CPVL: variants seen among roughly 807,000 people sequenced by gnomAD.
CPVL encodes carboxypeptidase vitellogenic like, also known as probable serine carboxypeptidase CPVL.
In CPVL, 51 loss-of-function variants were observed where a neutral mutation model predicts 63.7. That is an observed-to-expected ratio of 0.80 (90% CI 0.64 to 1.01). CPVL has a LOEUF of 1.01. Ranked by LOEUF, CPVL falls within the 50% of genes least tolerant of loss-of-function variation. The probability of loss-of-function intolerance (pLI) is 0.00; values close to 1 mark genes in which losing one functional copy is unlikely to be tolerated. For synonymous variants in CPVL, 195 were observed against 206.0 expected, an observed-to-expected ratio of 0.95 and a Z score of 0.46; for missense variants, 530 against 573.1, an observed-to-expected ratio of 0.92 and a Z score of 0.77.
chr7:29,129,844 T>C (rs1041733021), intron 1 of CPVL, among the ~76,000 whole-genome samples: 2 of 152,132 alleles, frequency 1.3e-5, no homozygotes, highest in African/African-American at 4.8e-5. Flanking sequence ...AGGGCTTTCA[T>C]CCAATATAAC....
intron 10 of CPVL, 62 bp from the exon 11 acceptor site, chr7:29,064,296 G>T (rs1215518924): frequency 1.7e-5 from 18 of 1,048,700 alleles, no homozygotes; most frequent in Non-Finnish European, 2.3e-5. Context: ...CAGTATGTTG[G>T]GAAAAGCTGT....
intron 11 of CPVL, among the ~76,000 whole-genome samples, chr7:29,034,618 C>A (rs1262643309): frequency 1.3e-5 from 2 of 151,936 alleles, no homozygotes; most frequent in African/African-American, 2.4e-5. Context: ...CCCCATGTGT[C>A]CATGTGTTCT....
intron 7 of CPVL, among the ~76,000 whole-genome samples, chr7:29,076,608 C>T (rs890857578): frequency 3.9e-5 from 6 of 152,156 alleles, no homozygotes; most frequent in Non-Finnish European, 8.8e-5. Flanking sequence ...TTATTCCTTT[C>T]TAATAATTAA....
At chr7:29,072,267 G>A (rs1213931772) in intron 8 of CPVL, 34 bp downstream of exon 8, 4 of 1,612,438 alleles carry the variant, frequency 2.5e-6, no homozygotes, top group South Asian at 1.1e-5. Flanking sequence ...ATCCCCCTAA[G>A]AGACAAAATA....
chr7:29,155,882 G>A (rs758282840), intron 5 of CPVL, among the ~76,000 whole-genome samples: 4 of 152,172 alleles, frequency 2.6e-5, no homozygotes, highest in Non-Finnish European at 4.4e-5. Context: ...CCACATCGGA[G>A]CGTCCTGTCA....
intron 2 of CPVL, among the ~76,000 whole-genome samples, chr7:29,116,435 ACCATGAC>A (rs1279772581): frequency 6.6e-6 from 1 of 152,266 alleles, no homozygotes; most frequent in Non-Finnish European, 1.5e-5. Context: ...TCTTTCCAGC[ACCATGAC>A]TCACAATACA....
At chr7:29,116,423 T>C (rs1313277018) in intron 2 of CPVL, among the ~76,000 whole-genome samples, 1 of 152,272 alleles carries the variant, frequency 6.6e-6, no homozygotes, top group East Asian at 1.9e-4. Context: ...GAGGAGTTTC[T>C]ATCTTTCCAG....
intron 11 of CPVL, among the ~76,000 whole-genome samples, chr7:29,036,864 A>T (rs1186033807): frequency 6.6e-6 from 1 of 152,174 alleles, no homozygotes; most frequent in Non-Finnish European, 1.5e-5. Flanking sequence ...GGCAGGTGTT[A>T]TTTATCCCAT....
chr7:29,028,873 G>A (rs1787747232), intron 12 of CPVL, among the ~76,000 whole-genome samples: 2 of 150,344 alleles, frequency 1.3e-5, no homozygotes, highest in South Asian at 2.1e-4. Flanking sequence ...GCTGAGGCAG[G>A]AGAATGGCGC....
intron 9 of CPVL, among the ~76,000 whole-genome samples, chr7:29,071,410 A>G (rs1783718429): frequency 6.6e-6 from 1 of 152,222 alleles, no homozygotes; most frequent in Admixed American, 6.5e-5. Flanking sequence ...GGTTTAGAGC[A>G]GATGGTGAAG....
At chr7:29,014,780 A>T (rs897488051) in intron 12 of CPVL, among the ~76,000 whole-genome samples, 1 of 152,166 alleles carries the variant, frequency 6.6e-6, no homozygotes. Flanking sequence ...CAAAAGTGAC[A>T]TTTTTTTGCT....
At position 29,072,006 on chromosome 7, in the gene CPVL, T is replaced by C. The variant is rs1453577956; in HGVS notation, c.733-102A>G. On this transcript the variant is annotated intron_variant, in intron 8 of 12. Transcript: ENST00000265394. Reference sequence around the variant, plus strand: ...AATAATCCTTTGTAATTGTTAATATTGTGCTGGTTAGCCAAGTAGGATAAT... The same window carrying C: ...AATAATCCTTTGTAATTGTTAATATCGTGCTGGTTAGCCAAGTAGGATAAT... 4.2e-5 allele frequency: 60 copies of C among 1,430,356 alleles called. No individual in the cohort carries two copies. The Middle Eastern group carries it at 1.6e-3, about 38-fold the overall frequency. The allele number at this position is 1,430,356 out of a possible 1,614,324, so 88.6% of individuals were successfully genotyped here.
At chr7:29,133,495 T>C (rs1352391936) in intron 1 of CPVL, among the ~76,000 whole-genome samples, 2 of 152,208 alleles carry the variant, frequency 1.3e-5, no homozygotes, top group African/African-American at 2.4e-5. Context: ...TAACCAGCAC[T>C]TTCTGTGGAC....
At chr7:29,077,264 T>C (rs892076813) in intron 7 of CPVL, among the ~76,000 whole-genome samples, 2 of 152,052 alleles carry the variant, frequency 1.3e-5, no homozygotes, top group African/African-American at 4.8e-5. Context: ...TTGTTTCAGC[T>C]ACTCTCAGTT....
At chr7:29,072,570 T>C in intron 7 of CPVL, 147 bp from the exon 8 acceptor site, 1 of 845,470 alleles carries the variant, frequency 1.2e-6, no homozygotes, top group South Asian at 2.2e-5. Context: ...ATAGATTCCA[T>C]AATAGCAAAA....
At chr7:29,150,996 G>T (rs1051785360), upstream of CPVL, among the ~76,000 whole-genome samples, 2 of 152,178 alleles carry the variant, frequency 1.3e-5, no homozygotes, top group African/African-American at 4.8e-5. Context: ...AAAGTCTACA[G>T]CTGTTCTGCA....
At chr7:29,036,120 T>C (rs1304335679) in intron 11 of CPVL, among the ~76,000 whole-genome samples, 2 of 152,234 alleles carry the variant, frequency 1.3e-5, no homozygotes, top group East Asian at 3.8e-4. Context: ...AGCAGAGTTA[T>C]TTCTGTCACT....
intron 7 of CPVL, among the ~76,000 whole-genome samples, chr7:29,083,972 T>C (rs1784979950): frequency 6.6e-6 from 1 of 152,150 alleles, no homozygotes; most frequent in Admixed American, 6.5e-5. Flanking sequence ...AGAGATAATA[T>C]TTCTCTAATT....
At chr7:29,000,365 TG>T (rs1357077211) in intron 12 of CPVL, among the ~76,000 whole-genome samples, 1 of 2,636 alleles carries the variant, frequency 3.8e-4, no homozygotes, top group East Asian at 0.021. Context: ...GGTGGGTGGG[TG>T]GGGTGGGGGT....
Sources: gnomAD v4.1 joint callset for allele counts (sites outside exome capture counted in the v4.1 genomes callset) on GRCh38, gnomAD v4.1.1 for gene constraint, MANE v1.5 for transcripts, NCBI Gene and HGNC (gene_info 2026-07-23, HGNC 2026-07-21) for gene names.